HS2ST1: variants seen among roughly 807,000 people sequenced by gnomAD.
HS2ST1 encodes heparan sulfate 2-O-sulfotransferase 1.
Under a neutral mutation model 42.9 loss-of-function variants are expected in HS2ST1, and 18 were observed. The observed-to-expected ratio is 0.42, with a 90% CI of 0.29 to 0.62. The LOEUF is 0.62. Ranked by LOEUF, HS2ST1 falls within the 20% of genes least tolerant of loss-of-function variation. The pLI, the probability that HS2ST1 is intolerant of heterozygous loss-of-function variation, is 0.21. For synonymous variants in HS2ST1, 146 were observed against 152.9 expected, an observed-to-expected ratio of 0.95 and a Z score of 0.33; for missense variants, 334 against 433.8, an observed-to-expected ratio of 0.77 and a Z score of 2.04.
intron 1 of HS2ST1, among the ~76,000 whole-genome samples, chr1:87,005,838 G>C (rs1049035698): frequency 1.2e-4 from 19 of 152,052 alleles, no homozygotes; most frequent in African/African-American, 4.1e-4. Flanking sequence ...ATTTTTTTAA[G>C]AATCAGTGTG....
intron 1 of HS2ST1, among the ~76,000 whole-genome samples, chr1:86,961,726 A>G (rs374971232): frequency 6.6e-6 from 1 of 152,074 alleles, no homozygotes; most frequent in South Asian, 2.1e-4. Context: ...TTTTCATCAC[A>G]CTCCAGAAAC....
At chr1:87,045,468 G>A (rs965497239) in intron 1 of HS2ST1, 1 of 1,061,356 alleles carries the variant, frequency 9.4e-7, no homozygotes, top group Non-Finnish European at 1.5e-6. Context: ...CGTAAGGTGA[G>A]AACAGTCACT....
intron 1 of HS2ST1, among the ~76,000 whole-genome samples, chr1:87,032,543 T>C: frequency 6.6e-6 from 1 of 152,276 alleles, no homozygotes; most frequent in East Asian, 1.9e-4. Flanking sequence ...TATGATTTCA[T>C]TTATAGAATA....
chr1:86,918,643 A>G (rs72947845), intron 1 of HS2ST1, among the ~76,000 whole-genome samples: 3,580 of 152,178 alleles, frequency 0.024, 74 homozygotes, highest in African/African-American at 0.049. Flanking sequence ...AAGAATATAC[A>G]TATTTTATAA....
intron 1 of HS2ST1, among the ~76,000 whole-genome samples, chr1:87,062,629 A>AT (rs925097408): frequency 6.6e-6 from 1 of 151,744 alleles, no homozygotes; most frequent in Non-Finnish European, 1.5e-5. Context: ...TTTACTCTCC[A>AT]TTTTTTTGTT....
At chr1:87,027,379 A>G (rs902874855) in intron 1 of HS2ST1, among the ~76,000 whole-genome samples, 11 of 152,120 alleles carry the variant, frequency 7.2e-5, no homozygotes, top group African/African-American at 2.4e-4. Context: ...ACAGTGGACA[A>G]CATGTTTTAA....
chr1:87,015,890 C>T (rs1381444197), intron 1 of HS2ST1, among the ~76,000 whole-genome samples: 1 of 151,814 alleles, frequency 6.6e-6, no homozygotes, highest in Non-Finnish European at 1.5e-5. Context: ...CATCTAGGCT[C>T]ACTGCAACCT....
intron 1 of HS2ST1, among the ~76,000 whole-genome samples, chr1:86,973,700 T>C (rs1176787831): frequency 1.3e-5 from 2 of 152,184 alleles, no homozygotes; most frequent in African/African-American, 2.4e-5. Flanking sequence ...CAAAACCTTA[T>C]AGTGTACATT....
chr1:87,089,019 T>G (rs888978658), intron 3 of HS2ST1, among the ~76,000 whole-genome samples: 3 of 152,134 alleles, frequency 2.0e-5, no homozygotes, highest in Admixed American at 2.0e-4. Context: ...GCAGAAAGAT[T>G]TCAAAACATA....
intron 1 of HS2ST1, among the ~76,000 whole-genome samples, chr1:86,997,803 C>T (rs1649151261): frequency 6.6e-6 from 1 of 152,150 alleles, no homozygotes; most frequent in African/African-American, 2.4e-5. Flanking sequence ...GGCAAAGGAA[C>T]AATAATGTCC....
At chr1:86,984,215 T>C (rs182092187) in intron 1 of HS2ST1, among the ~76,000 whole-genome samples, 126 of 152,280 alleles carry the variant, frequency 8.3e-4, no homozygotes, top group African/African-American at 2.9e-3. Context: ...CAAATTAATA[T>C]GTATATTTGG....
rs142068566 is a variant in HS2ST1 at position 86,998,924 on chromosome 1, C to T, written c.125-74010C>T. Among the ~76,000 whole-genome samples the T allele has an allele frequency of 1.8e-3, 280 of 152,270 alleles. 3 individuals are homozygous for T. The highest frequency in any genetic ancestry group is 5.6e-3 in the African/African-American group (234 of 41,560). ...TCCTCCTCCCCCATGCTGTCACTTA[C>T]TGACTCATAATCTGCATTTTAATAA... On this transcript the variant is annotated intron_variant, in intron 1 of 6. Coordinates refer to ENST00000370550, the MANE Select transcript of HS2ST1 (RefSeq NM_012262.4).
intron 1 of HS2ST1, among the ~76,000 whole-genome samples, chr1:86,922,317 C>T (rs981412146): frequency 2.6e-5 from 4 of 151,392 alleles, no homozygotes; most frequent in African/African-American, 9.7e-5. Context: ...TCCTACAATA[C>T]ATTATTATTT....
At chr1:87,009,268 G>A (rs972802582) in intron 1 of HS2ST1, among the ~76,000 whole-genome samples, 2 of 152,198 alleles carry the variant, frequency 1.3e-5, no homozygotes, top group African/African-American at 4.8e-5. Flanking sequence ...GTATAAAACA[G>A]TAAGTGTGAT....
intron 1 of HS2ST1, among the ~76,000 whole-genome samples, chr1:86,967,698 G>C (rs969812954): frequency 2.0e-5 from 3 of 152,126 alleles, no homozygotes; most frequent in Non-Finnish European, 4.4e-5. Context: ...CCACTCATTG[G>C]TCATTGGGCA....
At chr1:87,092,219 T>C (rs1651963037) in intron 3 of HS2ST1, among the ~76,000 whole-genome samples, 1 of 152,056 alleles carries the variant, frequency 6.6e-6, no homozygotes, top group Non-Finnish European at 1.5e-5. Flanking sequence ...ACTTAAAGTA[T>C]AATGAAGGCA....
chr1:87,020,661 G>A (rs1649917165), intron 1 of HS2ST1, among the ~76,000 whole-genome samples: 1 of 152,168 alleles, frequency 6.6e-6, no homozygotes, highest in Admixed American at 6.6e-5. Context: ...AGATCAAGGT[G>A]TTGGCAGGGT....
Position 87,011,724 on chromosome 1 carries a change from G to A in HS2ST1, c.125-61210G>A, listed in dbSNP as rs117189428. On this transcript the variant is annotated intron_variant, in intron 1 of 6. Transcript: ENST00000370550. ...AATTTAAATCTTAATTTCATATTGA[G>A]CACCTCTATTAGGGTAGGCAAGAAT... Among the ~76,000 whole-genome samples, 49 of 152,278 alleles carry A rather than the reference G, an allele frequency of 3.2e-4. No homozygotes were observed. The East Asian group carries it at 8.9e-3, about 28-fold the overall frequency.
At chr1:87,101,846 G>T (rs1414290288) in intron 5 of HS2ST1, among the ~76,000 whole-genome samples, 1 of 152,106 alleles carries the variant, frequency 6.6e-6, no homozygotes, top group Non-Finnish European at 1.5e-5. Context: ...TACTGTGAAG[G>T]AATACCTGAG....
Sources: gnomAD v4.1 joint callset for allele counts (sites outside exome capture counted in the v4.1 genomes callset) on GRCh38, gnomAD v4.1.1 for gene constraint, MANE v1.5 for transcripts, NCBI Gene and HGNC (gene_info 2026-07-23, HGNC 2026-07-21) for gene names.